MCPH1: variants seen among roughly 807,000 people sequenced by gnomAD.
MCPH1 encodes microcephalin 1.
MCPH1 carries 104 observed loss-of-function variants against 84.5 expected under a neutral mutation model. That is an observed-to-expected ratio of 1.23 (90% CI 1.05 to 1.45). The LOEUF (loss-of-function observed/expected upper bound fraction) is 1.45. Ranked by LOEUF, MCPH1 falls within the 40% of genes most tolerant of loss-of-function variation. MCPH1 has a pLI of 0.00. For missense variants in MCPH1, 1,498 were observed against 1,005.7 expected (o/e 1.49, Z -6.62); for synonymous variants, 514 against 366.8 (o/e 1.40, Z -4.58).
intron 12 of MCPH1, among the ~76,000 whole-genome samples, chr8:6,552,391 C>T (rs1823804547): frequency 6.6e-6 from 1 of 152,192 alleles, no homozygotes; most frequent in Non-Finnish European, 1.5e-5. Context: ...ATGCAGAATA[C>T]AGACATTTTA....
chr8:6,552,417 T>A (rs998895932), intron 12 of MCPH1, among the ~76,000 whole-genome samples: 4 of 152,218 alleles, frequency 2.6e-5, no homozygotes, highest in African/African-American at 9.6e-5. Flanking sequence ...ACACTTACGA[T>A]GGTCCTTTTC....
intron 12 of MCPH1, among the ~76,000 whole-genome samples, chr8:6,561,801 A>G (rs1307654973): frequency 6.6e-6 from 1 of 152,252 alleles, no homozygotes; most frequent in Non-Finnish European, 1.5e-5. Flanking sequence ...TATTTATGAA[A>G]GAAAAACAGA....
In MCPH1 at chr8:6,626,628, A is replaced by AT. The variant is rs1199297797; in HGVS notation, c.2452+4940dup. 3 of 984,816 alleles carry AT rather than the reference A, an allele frequency of 3.0e-6. No individual in the cohort carries two copies. The African/African-American group carries it at 5.2e-5, about 17-fold the overall frequency. The allele number at this position is 984,816 out of a possible 1,614,324, so 61.0% of individuals were successfully genotyped here. On this transcript the variant is annotated intron_variant, in intron 13 of 13. Coordinates refer to ENST00000344683, the MANE Select transcript of MCPH1 (RefSeq NM_024596.5). ...GATAATACATATTATATTTGAAAGCATTTGCTAATGGTTGCATTTTCCCCC... is the reference window on the plus strand; with the variant it reads ...GATAATACATATTATATTTGAAAGCATTTTGCTAATGGTTGCATTTTCCCCC...
intron 11 of MCPH1, among the ~76,000 whole-genome samples, chr8:6,497,205 G>C (rs865870791): frequency 7.9e-5 from 12 of 151,962 alleles, no homozygotes; most frequent in Admixed American, 2.0e-4. Flanking sequence ...AGAGGGCTGG[G>C]TGCGGTGGCT....
intron 3 of MCPH1, among the ~76,000 whole-genome samples, chr8:6,416,213 A>G (rs1002672069): frequency 2.0e-5 from 3 of 152,148 alleles, no homozygotes; most frequent in Non-Finnish European, 2.9e-5. Flanking sequence ...TCTATATGCA[A>G]TGTTGTGTAA....
At chr8:6,607,945 C>T (rs1041170723) in intron 12 of MCPH1, among the ~76,000 whole-genome samples, 1 of 152,216 alleles carries the variant, frequency 6.6e-6, no homozygotes, top group African/African-American at 2.4e-5. Flanking sequence ...TAAAGTGATC[C>T]ATTCACGCCC....
At chr8:6,530,170 A>T (rs1157826802) in intron 12 of MCPH1, among the ~76,000 whole-genome samples, 1 of 152,130 alleles carries the variant, frequency 6.6e-6, no homozygotes, top group Non-Finnish European at 1.5e-5. Flanking sequence ...ATGTGACTTA[A>T]TCATTACTAA....
intron 8 of MCPH1, among the ~76,000 whole-genome samples, chr8:6,451,521 C>T (rs761452588): frequency 6.6e-5 from 10 of 151,840 alleles, no homozygotes; most frequent in East Asian, 1.9e-4. Flanking sequence ...ACCTCTACAA[C>T]GATTACAAAG....
At chr8:6,558,520 C>T (rs1381321228) in intron 12 of MCPH1, among the ~76,000 whole-genome samples, 4 of 152,214 alleles carry the variant, frequency 2.6e-5, no homozygotes, top group Admixed American at 2.6e-4. Context: ...CATTATCCTT[C>T]TCAAGTTTCA....
intron 12 of MCPH1, among the ~76,000 whole-genome samples, chr8:6,582,317 T>C (rs1381309305): frequency 1.3e-5 from 2 of 152,216 alleles, no homozygotes; most frequent in African/African-American, 2.4e-5. Context: ...TCTCTTTCAA[T>C]CCTCATAGTA....
At chr8:6,604,801 A>G (rs913490995) in intron 12 of MCPH1, among the ~76,000 whole-genome samples, 1 of 152,210 alleles carries the variant, frequency 6.6e-6, no homozygotes, top group South Asian at 2.1e-4. Context: ...CACCACATCC[A>G]GCCCAGCCTA....
intron 9 of MCPH1, among the ~76,000 whole-genome samples, chr8:6,461,750 G>C (rs1414067981): frequency 6.6e-6 from 1 of 152,162 alleles, no homozygotes; most frequent in Non-Finnish European, 1.5e-5. Context: ...TTCAGAGGGA[G>C]AAATAGAAAA....
chr8:6,474,988 C>G (rs1244227363), intron 9 of MCPH1, among the ~76,000 whole-genome samples: 2 of 152,246 alleles, frequency 1.3e-5, no homozygotes, highest in African/African-American at 2.4e-5. Context: ...TATAGGAATA[C>G]TTTTTTTAGT....
In MCPH1 at chr8:6,480,743, A is replaced by T. The variant is rs1377666326; in HGVS notation, c.2003A>T (p.Asp668Val). The change falls in exon 11 of 14, where the codon GAT becomes GTT. Residue 668 changes from aspartate (D) to valine (V), a missense_variant. Asp to Val is a radical substitution (Grantham distance 152, BLOSUM62 -3). Coordinates refer to ENST00000344683, the MANE Select transcript of MCPH1 (RefSeq NM_024596.5). Reference sequence around the variant, plus strand: ...CAGAATGTCGTCATCCAGGTTGTGGATAAATTGAAAGGCTTTTCAATTGCA... The same window carrying T: ...CAGAATGTCGTCATCCAGGTTGTGGTTAAATTGAAAGGCTTTTCAATTGCA... ...EKQNVVIQVV[D>V]KLKGFSIAPD... 6.2e-7 allele frequency: 1 copy of T among 1,614,174 alleles called. No homozygotes were observed.
intron 12 of MCPH1, among the ~76,000 whole-genome samples, chr8:6,566,416 CCACA>C (rs1164943349): frequency 6.6e-6 from 1 of 151,592 alleles, no homozygotes; most frequent in Non-Finnish European, 1.5e-5. Context: ...CATCCACAGT[CCACA>C]CAGTGCAATA....
At chr8:6,520,145 C>T (rs1817038178) in intron 12 of MCPH1, 2 of 771,658 alleles carry the variant, frequency 2.6e-6, no homozygotes, top group African/African-American at 1.7e-5. Flanking sequence ...TAGAAAGTTT[C>T]CTTTCAGCCT....
chr8:6,421,378 A>C (rs890080407), intron 3 of MCPH1, among the ~76,000 whole-genome samples: 5 of 152,130 alleles, frequency 3.3e-5, no homozygotes, highest in African/African-American at 1.2e-4. Context: ...CTTATGCCTA[A>C]CTACCTGTAA....
intron 12 of MCPH1, among the ~76,000 whole-genome samples, chr8:6,547,048 C>T (rs1195024966): frequency 6.6e-6 from 1 of 152,086 alleles, no homozygotes; most frequent in Non-Finnish European, 1.5e-5. Flanking sequence ...TGCACGTGTT[C>T]CGTGTGTACC....
At chr8:6,587,415 A>C (rs572495611) in intron 12 of MCPH1, among the ~76,000 whole-genome samples, 1 of 152,300 alleles carries the variant, frequency 6.6e-6, no homozygotes, top group Non-Finnish European at 1.5e-5. Flanking sequence ...ATACAATAGA[A>C]TTCAACACTT....
Sources: gnomAD v4.1 joint callset for allele counts (sites outside exome capture counted in the v4.1 genomes callset) on GRCh38, gnomAD v4.1.1 for gene constraint, MANE v1.5 for transcripts, NCBI Gene and HGNC (gene_info 2026-07-23, HGNC 2026-07-21) for gene names.